Variants in AK4 observed in about 807,000 individuals in gnomAD.
AK4 encodes adenylate kinase 4, mitochondrial.
A neutral mutation model predicts 24.6 loss-of-function variants in AK4; 13 were observed. The observed-to-expected ratio is 0.53, with a 90% CI of 0.34 to 0.84. The LOEUF (loss-of-function observed/expected upper bound fraction) is 0.84, where lower values mean the gene tolerates loss of function less well. AK4 is among the 40% of genes least tolerant of loss of function. The probability of loss-of-function intolerance (pLI) is 0.01; values close to 1 mark genes in which losing one functional copy is unlikely to be tolerated. For missense variants in AK4, 192 were observed against 288.2 expected (o/e 0.67, Z 2.42); for synonymous variants, 88 against 107.0 (o/e 0.82, Z 1.10).
intron 1 of AK4, among the ~76,000 whole-genome samples, chr1:65,187,759 G>A (rs1193776590): frequency 2.6e-5 from 4 of 152,126 alleles, no homozygotes; most frequent in Non-Finnish European, 4.4e-5. Context: ...GAAGTAATAC[G>A]GTTTAAATAT....
At chr1:65,172,899 G>A (rs1294847305) in intron 1 of AK4, among the ~76,000 whole-genome samples, 3 of 118,676 alleles carry the variant, frequency 2.5e-5, no homozygotes, top group Non-Finnish European at 4.8e-5. Context: ...CTCTCGCTCT[G>A]TTGCCCAGGC....
At chr1:65,216,911 G>GAAAAT (rs1652150475) in intron 2 of AK4, among the ~76,000 whole-genome samples, 1 of 125,884 alleles carries the variant, frequency 7.9e-6, no homozygotes, top group African/African-American at 5.1e-5. Context: ...ACATTGCCCA[G>GAAAAT]GCTGGCCTTG....
chr1:65,178,963 G>C (rs969784606), intron 1 of AK4, among the ~76,000 whole-genome samples: 3 of 152,160 alleles, frequency 2.0e-5, no homozygotes, highest in African/African-American at 7.2e-5. Flanking sequence ...AACACACTGT[G>C]GTGTCAGCAA....
intron 1 of AK4, among the ~76,000 whole-genome samples, chr1:65,158,745 G>C (rs1176480212): frequency 6.6e-6 from 1 of 152,084 alleles, no homozygotes; most frequent in Non-Finnish European, 1.5e-5. Context: ...GACCTCAGGT[G>C]ATCCACCTGC....
At chr1:65,222,345 C>T (rs969735272) in intron 3 of AK4, among the ~76,000 whole-genome samples, 11 of 152,318 alleles carry the variant, frequency 7.2e-5, no homozygotes, top group Admixed American at 6.5e-4. Context: ...TTGTCTATGT[C>T]TGCAGCTCGA....
At chr1:65,169,190 A>AAG (rs1184093316) in intron 1 of AK4, among the ~76,000 whole-genome samples, 1 of 151,728 alleles carries the variant, frequency 6.6e-6, no homozygotes, top group Non-Finnish European at 1.5e-5. Flanking sequence ...AAAAAAAAAA[A>AAG]AAGAAAAAGA....
intron 1 of AK4, among the ~76,000 whole-genome samples, chr1:65,167,499 G>GT (rs1650370559): frequency 6.9e-6 from 1 of 143,932 alleles, no homozygotes; most frequent in Non-Finnish European, 1.5e-5. Flanking sequence ...TAGTGGCTTA[G>GT]TTTAAAAAAA....
intron 2 of AK4, among the ~76,000 whole-genome samples, chr1:65,207,967 T>G (rs750447788): frequency 3.3e-5 from 5 of 152,214 alleles, no homozygotes; most frequent in Non-Finnish European, 5.9e-5. Context: ...TCTTGGATGA[T>G]TCCATGTTTT....
At chr1:65,190,954 T>C (rs552698201) in intron 2 of AK4, 125 bp downstream of exon 2, 18 of 1,255,658 alleles carry the variant, frequency 1.4e-5, no homozygotes, top group Non-Finnish European at 1.8e-5. Context: ...TTATTTAATA[T>C]TGCAATTTGG....
At chr1:65,172,551 G>T (rs1650570694) in intron 1 of AK4, among the ~76,000 whole-genome samples, 1 of 152,116 alleles carries the variant, frequency 6.6e-6, no homozygotes, top group South Asian at 2.1e-4. Flanking sequence ...AGAGACTTGG[G>T]TATAGAATAA....
At chr1:65,190,688 T>G in intron 1 of AK4, 22 bp from the exon 2 acceptor site, 1 of 1,603,894 alleles carries the variant, frequency 6.2e-7, no homozygotes, top group South Asian at 1.1e-5. Flanking sequence ...GAATACCTCT[T>G]TTTTTCTTGT....
rs1013648958 is a variant in AK4, at chr1:65,229,543, A to T, written c.*3366A>T. The T allele has an allele frequency of 6.6e-6, 1 of 152,092 alleles. No homozygotes were observed. Among genetic ancestry groups the T allele is most frequent in the African/African-American group, 2.4e-5 (1 of 41,420 alleles). 9.4% of individuals were successfully genotyped at this position (152,092 alleles called of 1,614,324 possible). A position where few individuals can be genotyped will look rare whatever the true frequency, so the allele number is the denominator to read the frequency against. ...AGCGAGACCCTCTCTCTTAAAAAAA[A>T]AAAATAGCAGAGCTCACCAAAGTGA... On this transcript the variant is annotated 3_prime_UTR_variant, in exon 5 of 5. Coordinates refer to ENST00000327299, the MANE Select transcript of AK4 (RefSeq NM_013410.4).
At position 65,196,057 on chromosome 1, in the gene AK4, C is replaced by T. The variant is rs567670760; in HGVS notation, c.265+5228C>T. Among the ~76,000 whole-genome samples the T allele has an allele frequency of 5.9e-5, 9 of 152,176 alleles. No individual in the cohort carries two copies. In the East Asian group the frequency reaches 9.7e-4, roughly 16 times the overall value. On this transcript the variant is annotated intron_variant, in intron 2 of 4. Transcript: ENST00000327299. ...ACCCATCTGGTCACTTTTTCAGTTGCGATTTTTCTTTAAAGCTCTGGAATA... is the reference window on the plus strand; with the variant it reads ...ACCCATCTGGTCACTTTTTCAGTTGTGATTTTTCTTTAAAGCTCTGGAATA...
At chr1:65,170,954 CTTTTTTTTTTTT>C (rs36098576) in intron 1 of AK4, among the ~76,000 whole-genome samples, 3 of 109,034 alleles carry the variant, frequency 2.8e-5, no homozygotes, top group Non-Finnish European at 5.2e-5. Context: ...TGTCTTCTTC[CTTTTTTTTTTTT>C]TTTTTTTTTG....
intron 2 of AK4, among the ~76,000 whole-genome samples, chr1:65,191,437 CAAAG>C (rs1197259785): frequency 1.3e-5 from 2 of 151,274 alleles, no homozygotes; most frequent in Non-Finnish European, 2.9e-5. Flanking sequence ...TCTGAGGACA[CAAAG>C]AAGAAAATTA....
chr1:65,180,873 G>C (rs761243764), intron 1 of AK4, among the ~76,000 whole-genome samples: 1 of 152,176 alleles, frequency 6.6e-6, no homozygotes, highest in Non-Finnish European at 1.5e-5. Flanking sequence ...GATGATACCA[G>C]GGTGAGCAAG....
At chr1:65,177,336 T>C (rs1028772580) in intron 1 of AK4, among the ~76,000 whole-genome samples, 1 of 152,186 alleles carries the variant, frequency 6.6e-6, no homozygotes, top group Admixed American at 6.5e-5. Context: ...AAAAATTATA[T>C]TAAATAAGTT....
chr1:65,151,731 A>G (rs1055657007), intron 1 of AK4, among the ~76,000 whole-genome samples: 4 of 152,204 alleles, frequency 2.6e-5, no homozygotes, highest in African/African-American at 9.6e-5. Flanking sequence ...CATAGAGACC[A>G]TTTTGTTTAA....
At chr1:65,149,555 A>C (rs1321620582) in intron 1 of AK4, among the ~76,000 whole-genome samples, 2 of 152,198 alleles carry the variant, frequency 1.3e-5, no homozygotes, top group Admixed American at 6.5e-5. Flanking sequence ...TGTACTTCTC[A>C]AGGATGTCCG....
Sources: gnomAD v4.1 joint callset for allele counts (sites outside exome capture counted in the v4.1 genomes callset) on GRCh38, gnomAD v4.1.1 for gene constraint, MANE v1.5 for transcripts, NCBI Gene and HGNC (gene_info 2026-07-23, HGNC 2026-07-21) for gene names.